Variants in EHBP1 observed in about 807,000 individuals in gnomAD.
EHBP1 encodes the protein EH domain binding protein 1.
Under a neutral mutation model 144.0 loss-of-function variants are expected in EHBP1, and 55 were observed. The observed-to-expected ratio is 0.38, with a 90% CI of 0.31 to 0.48. EHBP1 has a LOEUF of 0.48. Ranked by LOEUF, EHBP1 falls within the 20% of genes least tolerant of loss-of-function variation. The probability of loss-of-function intolerance (pLI) is 0.98; values close to 1 mark genes in which losing one functional copy is unlikely to be tolerated. For synonymous variants in EHBP1, 469 were observed against 472.7 expected (o/e 0.99, Z 0.10); for missense variants, 1,200 against 1,364.2 (o/e 0.88, Z 1.90).
intron 3 of EHBP1, among the ~76,000 whole-genome samples, chr2:62,758,444 A>G (rs1006584589): frequency 6.6e-6 from 1 of 152,206 alleles, no homozygotes; most frequent in African/African-American, 2.4e-5. Context: ...AATTACCCTG[A>G]GTAGTTAACA....
intron 19 of EHBP1, among the ~76,000 whole-genome samples, chr2:63,008,326 G>A (rs1559059346): frequency 6.6e-6 from 1 of 151,518 alleles, no homozygotes; most frequent in Admixed American, 6.6e-5. Context: ...GCATGCTTTT[G>A]TTGTACACTC....
intron 2 of EHBP1, among the ~76,000 whole-genome samples, chr2:62,710,880 G>A (rs2035081582): frequency 6.6e-6 from 1 of 152,150 alleles, no homozygotes; most frequent in Non-Finnish European, 1.5e-5. Context: ...ATTAATTTCA[G>A]ATCCACTTCT....
chr2:62,851,403 A>G (rs2048684789), intron 7 of EHBP1, among the ~76,000 whole-genome samples: 3 of 152,126 alleles, frequency 2.0e-5, no homozygotes. Context: ...TTTTATTTTA[A>G]TAATCATAAT....
intron 2 of EHBP1, among the ~76,000 whole-genome samples, chr2:62,740,976 G>A (rs2038648470): frequency 1.3e-5 from 2 of 152,014 alleles, no homozygotes; most frequent in African/African-American, 4.8e-5. Context: ...GGTTACTGTA[G>A]CAGATACACC....
chr2:62,861,420 G>A (rs1447898368), intron 8 of EHBP1, among the ~76,000 whole-genome samples: 4 of 150,208 alleles, frequency 2.7e-5, no homozygotes, highest in Admixed American at 1.3e-4. Flanking sequence ...GAGCCACCGC[G>A]CCCAGCCCTT....
At chr2:62,845,545 TCCCA>T (rs1438767069) in intron 7 of EHBP1, among the ~76,000 whole-genome samples, 3 of 152,138 alleles carry the variant, frequency 2.0e-5, no homozygotes, top group Admixed American at 6.6e-5. Flanking sequence ...TAAGTAGGTA[TCCCA>T]CCTTTTATTA....
intron 1 of EHBP1, among the ~76,000 whole-genome samples, chr2:62,676,535 T>C (rs551593829): frequency 5.3e-5 from 8 of 152,216 alleles, no homozygotes; most frequent in Non-Finnish European, 8.8e-5. Context: ...AGCCACGGGT[T>C]AGCCTGTGTC....
At chr2:62,859,844 A>G (rs2049363252) in intron 8 of EHBP1, among the ~76,000 whole-genome samples, 1 of 152,178 alleles carries the variant, frequency 6.6e-6, no homozygotes, top group Non-Finnish European at 1.5e-5. Context: ...TTTTGAACTC[A>G]TAAAGCCTGG....
At chr2:62,934,302 T>C (rs1178846239) in intron 10 of EHBP1, among the ~76,000 whole-genome samples, 2 of 152,340 alleles carry the variant, frequency 1.3e-5, no homozygotes, top group African/African-American at 4.8e-5. Context: ...AGTAGTACCT[T>C]GTGTAATTCT....
chr2:62,933,880 T>G (rs1016309184), intron 10 of EHBP1, among the ~76,000 whole-genome samples: 3 of 152,252 alleles, frequency 2.0e-5, no homozygotes, highest in Non-Finnish European at 2.9e-5. Context: ...ACCTGTTTTC[T>G]TTTGTTCAAT....
intron 5 of EHBP1, among the ~76,000 whole-genome samples, chr2:62,819,801 T>C (rs1462422460): frequency 6.6e-6 from 1 of 150,726 alleles, no homozygotes; most frequent in Non-Finnish European, 1.5e-5. Context: ...ACAACCCATA[T>C]GTCCATCAAC....
chr2:62,925,915 A>G (rs2055469256), intron 10 of EHBP1, among the ~76,000 whole-genome samples: 1 of 152,190 alleles, frequency 6.6e-6, no homozygotes. Flanking sequence ...CAGAATTTAT[A>G]TGAACCCACA....
chr2:62,809,552 T>G (rs2044808560), intron 5 of EHBP1, among the ~76,000 whole-genome samples: 1 of 152,178 alleles, frequency 6.6e-6, no homozygotes, highest in African/African-American at 2.4e-5. Context: ...TGCAGGTTTG[T>G]TGCATGGGTA....
intron 19 of EHBP1, among the ~76,000 whole-genome samples, chr2:63,015,303 A>G (rs1189860745): frequency 6.6e-6 from 1 of 152,214 alleles, no homozygotes; most frequent in Non-Finnish European, 1.5e-5. Context: ...AGTAACTTGG[A>G]CAACCATAGT....
intron 7 of EHBP1, among the ~76,000 whole-genome samples, chr2:62,837,810 C>T (rs528615138): frequency 8.5e-4 from 130 of 152,152 alleles, no homozygotes; most frequent in Non-Finnish European, 1.7e-3. Context: ...TATATATGCA[C>T]CCAATACGGG....
intron 9 of EHBP1, among the ~76,000 whole-genome samples, chr2:62,866,698 A>T (rs2050069314): frequency 1.3e-5 from 2 of 152,180 alleles, no homozygotes; most frequent in African/African-American, 4.8e-5. Context: ...AGATTAAAAG[A>T]GAGAAAGAAG....
intron 5 of EHBP1, among the ~76,000 whole-genome samples, chr2:62,804,863 G>A (rs928710482): frequency 6.6e-6 from 1 of 152,146 alleles, no homozygotes; most frequent in Non-Finnish European, 1.5e-5. Flanking sequence ...TGTGAGCTGT[G>A]CATGCAAGGG....
rs993657088 is a variant in EHBP1 at position 62,973,909 on chromosome 2, G to A, written c.2461-5279G>A. Among the ~76,000 whole-genome samples, 5 of 152,254 alleles carry A rather than the reference G, an allele frequency of 3.3e-5. No homozygotes were observed. The East Asian group carries it at 5.8e-4, about 18-fold the overall frequency. ...AGCTACTCGGGGTGGTGGCAGGGCT[G>A]AGGTAGGAGAATCACCTGAGCCTGG... On this transcript the variant is annotated intron_variant, in intron 14 of 22. Transcript: ENST00000431489.
intron 5 of EHBP1, among the ~76,000 whole-genome samples, chr2:62,776,531 A>C (rs2042063953): frequency 6.6e-6 from 1 of 152,204 alleles, no homozygotes; most frequent in Non-Finnish European, 1.5e-5. Context: ...GCAGGATTTT[A>C]GTTTTTCCAT....
Sources: allele counts gnomAD v4.1 joint callset (sites outside exome capture counted in the v4.1 genomes callset), GRCh38; gene constraint gnomAD v4.1.1; transcripts MANE v1.5; gene names NCBI Gene and HGNC (gene_info 2026-07-23, HGNC 2026-07-21).